The following OPA3 variants were observed in gnomAD, a reference collection of about 807,000 sequenced individuals.
OPA3 encodes outer mitochondrial membrane lipid metabolism regulator OPA3.
Under a neutral mutation model 4.0 loss-of-function variants are expected in OPA3, and 6 were observed. The observed-to-expected ratio is 1.51, with a 90% CI of 0.83 to 2.99. The LOEUF is 2.99. Ranked by LOEUF, OPA3 falls within the 30% of genes most tolerant of loss-of-function variation. The pLI, the probability that OPA3 is intolerant of heterozygous loss-of-function variation, is 0.00. For missense variants in OPA3, 235 were observed against 256.2 expected (o/e 0.92, Z 0.56); for synonymous variants, 105 against 117.1 (o/e 0.90, Z 0.67).
intron 1 of OPA3, among the ~76,000 whole-genome samples, chr19:45,563,565 T>C (rs1969537046): frequency 6.6e-6 from 1 of 152,058 alleles, no homozygotes; most frequent in Non-Finnish European, 1.5e-5. Flanking sequence ...TGTTTTTTGT[T>C]TTTGTTTTGA....
rs745868671 is a variant in OPA3 at position 45,548,715 on chromosome 19, G to C, written c.*4799C>G. On this transcript the variant is annotated 3_prime_UTR_variant, in exon 2 of 2. Coordinates refer to ENST00000263275, the MANE Select transcript of OPA3 (RefSeq NM_025136.4). Reference sequence around the variant, plus strand: ...ACCAAGGACACTGGGTCCATGTCCCGGTGCGGGACCACCTCAGTGAGTTTT... The same window carrying C: ...ACCAAGGACACTGGGTCCATGTCCCCGTGCGGGACCACCTCAGTGAGTTTT... The C allele has an allele frequency of 2.0e-6, 2 of 982,560 alleles. No individual in the cohort carries two copies. The highest frequency in any genetic ancestry group is 1.8e-5 in the African/African-American group (1 of 56,900). 60.9% of individuals were successfully genotyped at this position (982,560 alleles called of 1,614,324 possible).
Position 45,584,641 on chromosome 19 carries a change from A to G in OPA3, c.124T>C (p.Cys42Arg). 1.2e-6 allele frequency: 2 copies of G among 1,614,216 alleles called. No individual in the cohort carries two copies. Among genetic ancestry groups the G allele is most frequent in the South Asian group, 1.1e-5 (1 of 91,086 alleles). ...GACTCACGTTGAGCCGGCGGGAGGC[A>G]GATATAGGTCTTGAAGAACTCGCTT... ...RRSEFFKTYI[C>R]LPPAQLYHWV... Residue 42 changes from cysteine (C) to arginine (R), a missense_variant, in exon 1 of 2, where the codon TGC (cysteine) becomes CGC (arginine). By Grantham distance (180) the Cys-to-Arg change is radical (BLOSUM62 -3). Transcript: ENST00000263275.
chr19:45,562,756 A>G (rs907487164), intron 1 of OPA3, among the ~76,000 whole-genome samples: 3 of 152,340 alleles, frequency 2.0e-5, no homozygotes, highest in African/African-American at 7.2e-5. Context: ...ATCCTGGAAC[A>G]GGCAGAAAAG....
At chr19:45,563,988 C>T (rs1043874039) in intron 1 of OPA3, among the ~76,000 whole-genome samples, 15 of 151,946 alleles carry the variant, frequency 9.9e-5, no homozygotes, top group African/African-American at 3.4e-4. Flanking sequence ...CTGTGCCTGA[C>T]CAAAACAGAT....
chr19:45,549,983 C>A lies in OPA3; in HGVS notation c.*3531G>T, dbSNP rs112899014. 0.015 allele frequency: 9,474 copies of A among 650,302 alleles called. 780 individuals carry two copies. In the African/African-American group the frequency reaches 0.17, roughly 12 times the overall value. The allele number at this position is 650,302 out of a possible 1,614,324, so 40.3% of individuals were successfully genotyped here. On this transcript the variant is annotated 3_prime_UTR_variant, in exon 2 of 2. Coordinates refer to ENST00000263275, the MANE Select transcript of OPA3 (RefSeq NM_025136.4). ...GATCAGCCTGGGCAACTTGGAGAAA[C>A]CCCGTCTCCACTAAAATACAAAAAT...
intron 1 of OPA3, among the ~76,000 whole-genome samples, chr19:45,567,922 C>T (rs891935551): frequency 6.6e-6 from 1 of 152,106 alleles, no homozygotes; most frequent in South Asian, 2.1e-4. Context: ...TCAGGGTAAA[C>T]GTAGCTTCAA....
chr19:45,570,862 CAA>C (rs551869767), intron 1 of OPA3, among the ~76,000 whole-genome samples: 14 of 67,728 alleles, frequency 2.1e-4, no homozygotes, highest in African/African-American at 2.5e-4. Context: ...GACTCTGTCT[CAA>C]AAAAAAAAAA....
rs1555735877 is a variant in OPA3 at position 45,576,544 on chromosome 19, C to CG, written c.142+8078_142+8079insC. ...CAAGAATGAAACTCCATCCCCCCCC[C>CG]CCCAAAAAAAAAAGTCCAAAATGGC... On this transcript the variant is annotated intron_variant, in intron 1 of 1. Coordinates refer to ENST00000263275, the MANE Select transcript of OPA3 (RefSeq NM_025136.4). 8.7e-4 allele frequency among the ~76,000 whole-genome samples: 114 copies of CG among 130,816 alleles called. 1 individual carries two copies. The highest frequency in any genetic ancestry group is 2.9e-3 in the African/African-American group (106 of 37,060). The allele number at this position is 130,816 out of a possible 152,430, so 85.8% of individuals were successfully genotyped here. A position where few individuals can be genotyped will look rare whatever the true frequency, so the allele number is the denominator to read the frequency against.
intron 1 of OPA3, among the ~76,000 whole-genome samples, chr19:45,540,738 G>A (rs1042429407): frequency 6.6e-6 from 1 of 151,352 alleles, no homozygotes; most frequent in African/African-American, 2.4e-5. Flanking sequence ...GGGAGGCGGA[G>A]AATGCAGTGA....
chr19:45,550,184 A>G lies in OPA3; in HGVS notation c.*3330T>C. 1 of 983,444 alleles carries G rather than the reference A, an allele frequency of 1.0e-6. No individual in the cohort carries two copies. 60.9% of individuals were successfully genotyped at this position (983,444 alleles called of 1,614,324 possible). ...AGAAAAGAAAAGAAAAAAGAAGAGAAAAGAAGAAAAGAAAAGTTTCAGAAC... is the reference window on the plus strand; with the variant it reads ...AGAAAAGAAAAGAAAAAAGAAGAGAGAAGAAGAAAAGAAAAGTTTCAGAAC... On this transcript the variant is annotated 3_prime_UTR_variant, in exon 2 of 2. Coordinates refer to ENST00000263275, the MANE Select transcript of OPA3 (RefSeq NM_025136.4).
rs539476253 is a variant in OPA3 at position 45,584,613 on chromosome 19, T to G, written c.142+10A>C. On this transcript the variant is annotated intron_variant, in intron 1 of 1. Coordinates refer to ENST00000263275, the MANE Select transcript of OPA3 (RefSeq NM_025136.4). ...GGAAAAAGGTTGGAGGGAATTCGGG[T>G]CAGACTCACGTTGAGCCGGCGGGAG... The G allele has an allele frequency of 1.2e-6, 2 of 1,614,114 alleles. No homozygotes were observed. The highest frequency in any genetic ancestry group is 1.1e-5 in the South Asian group (1 of 91,080).
chr19:45,575,699 T>A lies in OPA3; in HGVS notation c.142+8924A>T, dbSNP rs185627262. 2.6e-5 allele frequency among the ~76,000 whole-genome samples: 4 copies of A among 152,254 alleles called. No individual in the cohort carries two copies. In the East Asian group the frequency reaches 7.7e-4, roughly 29 times the overall value. Reference sequence around the variant, plus strand: ...ACAGCTCACTGCAGCCTCATTCTCCTGGGCTCAAGCAATCCTGCCGCAGCC... The same window carrying A: ...ACAGCTCACTGCAGCCTCATTCTCCAGGGCTCAAGCAATCCTGCCGCAGCC... On this transcript the variant is annotated intron_variant, in intron 1 of 1. Transcript: ENST00000263275.
intron 1 of OPA3, among the ~76,000 whole-genome samples, chr19:45,573,271 T>C (rs1969715319): frequency 6.6e-6 from 1 of 151,978 alleles, no homozygotes; most frequent in Admixed American, 6.6e-5. Flanking sequence ...TCTCATCTTA[T>C]ATTCACACGT....
chr19:45,558,033 G>A (rs1203134160), intron 1 of OPA3, among the ~76,000 whole-genome samples: 1 of 152,202 alleles, frequency 6.6e-6, no homozygotes, highest in Non-Finnish European at 1.5e-5. Flanking sequence ...AGGAATTGGT[G>A]AGAAGAAAAG....
chr19:45,559,393 CTTTCTTT>C (rs1471924557), intron 1 of OPA3, among the ~76,000 whole-genome samples: 3,316 of 97,424 alleles, frequency 0.034, 91 homozygotes, highest in African/African-American at 0.094. Context: ...CCCTCTTTTT[CTTTCTTT>C]TTTTTTTTTT....
At chr19:45,529,024 A>G (rs1316426735) in exon 2 of OPA3, 2 of 1,587,812 alleles carry the variant, frequency 1.3e-6, no homozygotes, top group East Asian at 2.2e-5. Flanking sequence ...TCCAGACAGC[A>G]GTCACCTCCA....
At chr19:45,557,025 G>T (rs1599968781) in intron 1 of OPA3, among the ~76,000 whole-genome samples, 1 of 152,328 alleles carries the variant, frequency 6.6e-6, no homozygotes, top group East Asian at 1.9e-4. Context: ...CCAGAGCTGG[G>T]CCCGTAACTG....
At chr19:45,540,421 C>T (rs1192804504) in intron 1 of OPA3, among the ~76,000 whole-genome samples, 1 of 151,820 alleles carries the variant, frequency 6.6e-6, no homozygotes, top group African/African-American at 2.4e-5. Context: ...CAGGCCAGGA[C>T]ACGGTGGCTC....
rs892892231 is a variant in OPA3, at chr19:45,546,382, T to C, written c.*7132A>G. 1.6e-5 allele frequency: 10 copies of C among 617,108 alleles called. No homozygotes were observed. Among genetic ancestry groups the C allele is most frequent in the Non-Finnish European group, 2.0e-5 (10 of 494,480 alleles). The allele number at this position is 617,108 out of a possible 1,614,324, so 38.2% of individuals were successfully genotyped here. ...GTTATGTTACACATGACATAAAATATATATTTTATATTCCATTATATATTG... is the reference window on the plus strand; with the variant it reads ...GTTATGTTACACATGACATAAAATACATATTTTATATTCCATTATATATTG... On this transcript the variant is annotated 3_prime_UTR_variant, in exon 2 of 2. Coordinates refer to ENST00000263275, the MANE Select transcript of OPA3 (RefSeq NM_025136.4).
Sources: allele counts gnomAD v4.1 joint callset (sites outside exome capture counted in the v4.1 genomes callset), GRCh38; gene constraint gnomAD v4.1.1; transcripts MANE v1.5; gene names NCBI Gene and HGNC (gene_info 2026-07-23, HGNC 2026-07-21).